The following CCDC148 variants were observed in gnomAD, a reference collection of about 807,000 sequenced individuals.
The protein encoded by CCDC148 is coiled-coil domain containing 148.
CCDC148 carries 89 observed loss-of-function variants against 85.7 expected under a neutral mutation model. The ratio of observed to expected loss-of-function variants is 1.04; its 90% CI spans 0.87 to 1.24. The LOEUF is 1.24. Ranked by LOEUF, CCDC148 falls within the 50% of genes most tolerant of loss-of-function variation. The pLI, the probability that CCDC148 is intolerant of heterozygous loss-of-function variation, is 0.00. For missense variants in CCDC148, 692 were observed against 671.7 expected (o/e 1.03, Z -0.33); for synonymous variants, 230 against 213.9 (o/e 1.08, Z -0.66).
intron 1 of CCDC148, among the ~76,000 whole-genome samples, chr2:158,360,740 A>G (rs1683905676): frequency 6.6e-6 from 1 of 152,178 alleles, no homozygotes. Context: ...AAAAGGCGGA[A>G]AATTCCAAAA....
intron 1 of CCDC148, among the ~76,000 whole-genome samples, chr2:158,390,860 G>A (rs899856748): frequency 2.0e-5 from 3 of 152,072 alleles, no homozygotes; most frequent in African/African-American, 7.2e-5. Context: ...GCAGTGTAAA[G>A]GTTTGACAGA....
chr2:158,247,952 G>C (rs10166790), intron 10 of CCDC148, among the ~76,000 whole-genome samples: 2,407 of 152,158 alleles, frequency 0.016, 60 homozygotes, highest in East Asian at 0.1. Flanking sequence ...TGCAGAACAT[G>C]CAGGTTTGTT....
intron 10 of CCDC148, among the ~76,000 whole-genome samples, chr2:158,228,902 A>G (rs1356441622): frequency 6.6e-6 from 1 of 151,742 alleles, no homozygotes; most frequent in African/African-American, 2.4e-5. Context: ...TGGCACATGT[A>G]TACATATGTA....
chr2:158,377,453 A>G (rs1482412343), intron 1 of CCDC148, among the ~76,000 whole-genome samples: 9 of 152,110 alleles, frequency 5.9e-5, no homozygotes, highest in Middle Eastern at 3.2e-3. Context: ...GGCAGTCAAA[A>G]ACATGCAAAT....
chr2:158,201,238 C>A (rs1685938161), intron 11 of CCDC148, among the ~76,000 whole-genome samples: 1 of 152,036 alleles, frequency 6.6e-6, no homozygotes, highest in African/African-American at 2.4e-5. Context: ...TACACTGAGT[C>A]CTAGTCCTGT....
intron 1 of CCDC148, among the ~76,000 whole-genome samples, chr2:158,364,897 T>A (rs570132176): frequency 7.2e-5 from 11 of 152,078 alleles, no homozygotes; most frequent in East Asian, 1.9e-4. Flanking sequence ...GGGAAAAAAA[T>A]TTTGCAATTT....
At chr2:158,387,754 T>C (rs772475797) in intron 1 of CCDC148, among the ~76,000 whole-genome samples, 22 of 152,148 alleles carry the variant, frequency 1.4e-4, no homozygotes, top group Non-Finnish European at 3.1e-4. Flanking sequence ...GCTTGGGCAC[T>C]GACACAGTGC....
intron 1 of CCDC148, among the ~76,000 whole-genome samples, chr2:158,369,536 G>C (rs1449002516): frequency 6.6e-6 from 1 of 152,166 alleles, no homozygotes; most frequent in Non-Finnish European, 1.5e-5. Context: ...CTGAGACTTT[G>C]CTGAAGTTGC....
chr2:158,406,613 C>CTTTTTT (rs61612452), intron 1 of CCDC148, among the ~76,000 whole-genome samples: 9 of 31,452 alleles, frequency 2.9e-4, no homozygotes, highest in South Asian at 2.2e-3. Context: ...GATTAAATTT[C>CTTTTTT]TTTTTTTTTT....
rs376011220 is a variant in CCDC148 at position 158,274,062 on chromosome 2, G to A, written c.1111-23150C>T. The stretch of plus-strand genomic sequence containing the variant: ...ATATAGATGACCCCATACTAGAAGC[G>A]AGAATTCATGAAGTTTTGCATGGGA... On this transcript the variant is annotated intron_variant, in intron 9 of 13. Transcript: ENST00000283233. 1.4e-4 allele frequency among the ~76,000 whole-genome samples: 21 copies of A among 152,234 alleles called. 2 individuals are homozygous for A. Among genetic ancestry groups the A allele is most frequent in the Admixed American group, 6.5e-4 (10 of 15,294 alleles).
At chr2:158,351,680 G>A (rs1001556751) in intron 2 of CCDC148, among the ~76,000 whole-genome samples, 3 of 152,154 alleles carry the variant, frequency 2.0e-5, no homozygotes, top group Non-Finnish European at 2.9e-5. Flanking sequence ...GGCTTGATTA[G>A]GTAAACAAAG....
chr2:158,277,363 C>T (rs1452995166), intron 9 of CCDC148, among the ~76,000 whole-genome samples: 1 of 152,086 alleles, frequency 6.6e-6, no homozygotes, highest in African/African-American at 2.4e-5. Context: ...TGATACTTAC[C>T]ATTCACACCT....
intron 10 of CCDC148, among the ~76,000 whole-genome samples, chr2:158,247,315 C>G (rs945521421): frequency 2.6e-5 from 4 of 151,948 alleles, no homozygotes; most frequent in Admixed American, 2.0e-4. Flanking sequence ...ATCAAATTGA[C>G]AAAAGTAAAA....
chr2:158,227,090 T>C (rs1574444909), intron 10 of CCDC148, among the ~76,000 whole-genome samples: 1 of 152,200 alleles, frequency 6.6e-6, no homozygotes, highest in Admixed American at 6.5e-5. Context: ...CTTAAGCTGA[T>C]AGGCAACTTC....
chr2:158,402,111 A>G (rs1198023459), intron 1 of CCDC148, among the ~76,000 whole-genome samples: 1 of 152,090 alleles, frequency 6.6e-6, no homozygotes, highest in Non-Finnish European at 1.5e-5. Flanking sequence ...TCTTTTACAA[A>G]GTACTTTCAT....
intron 1 of CCDC148, chr2:158,393,156 A>G (rs533547990): frequency 6.6e-6 from 1 of 152,278 alleles, no homozygotes; most frequent in Non-Finnish European, 1.5e-5. Flanking sequence ...TGTGAGAGCA[A>G]ACCTGGAATA....
chr2:158,368,175 T>A (rs187097813), intron 1 of CCDC148, among the ~76,000 whole-genome samples: 1 of 152,308 alleles, frequency 6.6e-6, no homozygotes, highest in East Asian at 1.9e-4. Flanking sequence ...TGAACATTCA[T>A]ACATTTATGT....
At chr2:158,253,391 A>C (rs1688877564) in intron 9 of CCDC148, among the ~76,000 whole-genome samples, 2 of 151,628 alleles carry the variant, frequency 1.3e-5, no homozygotes, top group African/African-American at 4.8e-5. Context: ...GAGTGACTCA[A>C]AGTACCCCCT....
chr2:158,270,459 G>A (rs980810346), intron 9 of CCDC148, among the ~76,000 whole-genome samples: 13 of 152,154 alleles, frequency 8.5e-5, no homozygotes, highest in African/African-American at 3.1e-4. Context: ...GAGGAAAAGA[G>A]TCCTTGATTC....
Sources: gnomAD v4.1 joint callset for allele counts (sites outside exome capture counted in the v4.1 genomes callset) on GRCh38, gnomAD v4.1.1 for gene constraint, MANE v1.5 for transcripts, NCBI Gene and HGNC (gene_info 2026-07-23, HGNC 2026-07-21) for gene names.